Variants in ASIC2 observed in about 807,000 individuals in gnomAD.
The protein encoded by ASIC2 is acid sensing ion channel subunit 2.
ASIC2 carries 25 observed loss-of-function variants against 57.3 expected under a neutral mutation model. That is an observed-to-expected ratio of 0.44 (90% CI 0.32 to 0.61). ASIC2 has a LOEUF of 0.61. ASIC2 is among the 20% of genes least tolerant of loss of function. The pLI is 0.06. For missense variants in ASIC2, 641 were observed against 738.1 expected, an observed-to-expected ratio of 0.87 and a Z score of 1.52; for synonymous variants, 319 against 307.5, an observed-to-expected ratio of 1.04 and a Z score of -0.39.
intron 1 of ASIC2, among the ~76,000 whole-genome samples, chr17:33,830,208 G>A (rs1480017251): frequency 6.6e-6 from 1 of 152,054 alleles, no homozygotes; most frequent in Non-Finnish European, 1.5e-5. Flanking sequence ...GGTTTGTCCA[G>A]ACTTATAGAT....
At chr17:33,599,231 C>A (rs777497481) in intron 1 of ASIC2, among the ~76,000 whole-genome samples, 3 of 152,184 alleles carry the variant, frequency 2.0e-5, no homozygotes, top group Non-Finnish European at 4.4e-5. Flanking sequence ...CTAGAGGAAG[C>A]TGTGCTTGCT....
intron 1 of ASIC2, among the ~76,000 whole-genome samples, chr17:33,308,964 C>T (rs562258507): frequency 1.1e-4 from 16 of 152,270 alleles, no homozygotes; most frequent in East Asian, 3.9e-4. Flanking sequence ...CCATGTTCTA[C>T]GTATGTTGAA....
At chr17:33,585,684 A>G (rs1000463165) in intron 1 of ASIC2, among the ~76,000 whole-genome samples, 1 of 152,222 alleles carries the variant, frequency 6.6e-6, no homozygotes, top group Non-Finnish European at 1.5e-5. Flanking sequence ...AGAAGGAATC[A>G]GCTAACAGAT....
At chr17:33,219,947 A>G (rs1907632168) in intron 1 of ASIC2, among the ~76,000 whole-genome samples, 1 of 152,356 alleles carries the variant, frequency 6.6e-6, no homozygotes, top group Non-Finnish European at 1.5e-5. Flanking sequence ...GAGGACCCAC[A>G]GAACAGTGCA....
At chr17:33,017,974 A>G (rs2091815783) in intron 7 of ASIC2, among the ~76,000 whole-genome samples, 1 of 152,212 alleles carries the variant, frequency 6.6e-6, no homozygotes, top group South Asian at 2.1e-4. Flanking sequence ...TTACACTCAA[A>G]ACCACACCGA....
intron 1 of ASIC2, among the ~76,000 whole-genome samples, chr17:33,685,067 C>T (rs1006725226): frequency 2.0e-5 from 3 of 152,174 alleles, no homozygotes; most frequent in Non-Finnish European, 2.9e-5. Context: ...GAAAGTCCTG[C>T]TAACTGCATG....
At position 33,645,076 on chromosome 17, in the gene ASIC2, G is replaced by A. The variant is rs1181584077; in HGVS notation, c.555+510902C>T. Reference sequence around the variant, plus strand: ...TTCCTGGTCTCTTAGTTTGCAAAGAGCATTCACCTCATGATCTCCTAACTA... The same window carrying A: ...TTCCTGGTCTCTTAGTTTGCAAAGAACATTCACCTCATGATCTCCTAACTA... On this transcript the variant is annotated intron_variant, in intron 1 of 9. Coordinates refer to the ASIC2 transcript ENST00000359872. 2.0e-5 allele frequency among the ~76,000 whole-genome samples: 3 copies of A among 152,152 alleles called. No individual in the cohort carries two copies. In the East Asian group the frequency reaches 5.8e-4, roughly 29 times the overall value.
intron 1 of ASIC2, among the ~76,000 whole-genome samples, chr17:33,697,122 C>T (rs986496627): frequency 6.6e-6 from 1 of 152,172 alleles, no homozygotes; most frequent in Non-Finnish European, 1.5e-5. Context: ...ACCTGCACCC[C>T]CTTTGCCTTC....
At chr17:33,924,250 T>C (rs1426167441) in intron 1 of ASIC2, among the ~76,000 whole-genome samples, 1 of 152,206 alleles carries the variant, frequency 6.6e-6, no homozygotes, top group Non-Finnish European at 1.5e-5. Flanking sequence ...CCCAGCGTGC[T>C]CCTCCTGGGG....
intron 1 of ASIC2, among the ~76,000 whole-genome samples, chr17:33,646,291 T>C (rs1005817250): frequency 5.3e-5 from 8 of 152,148 alleles, no homozygotes; most frequent in African/African-American, 1.9e-4. Flanking sequence ...TATTATGGAT[T>C]GTGGGCATAA....
At chr17:33,809,962 C>T (rs934633026) in intron 1 of ASIC2, among the ~76,000 whole-genome samples, 1 of 152,164 alleles carries the variant, frequency 6.6e-6, no homozygotes, top group Non-Finnish European at 1.5e-5. Context: ...GAATTCCCAC[C>T]ATTTTGAATT....
intron 3 of ASIC2, among the ~76,000 whole-genome samples, chr17:33,035,625 A>G (rs2091905929): frequency 6.6e-6 from 1 of 152,200 alleles, no homozygotes; most frequent in African/African-American, 2.4e-5. Flanking sequence ...CTAAGGAACA[A>G]CACTTCTGGG....
intron 1 of ASIC2, among the ~76,000 whole-genome samples, chr17:33,409,964 G>A (rs1273262219): frequency 6.6e-6 from 1 of 152,130 alleles, no homozygotes; most frequent in Admixed American, 6.5e-5. Context: ...ACCAGCTCAG[G>A]GCAGCTCATT....
Position 33,903,389 on chromosome 17 carries a change from T to C in ASIC2, c.555+252589A>G, listed in dbSNP as rs530864943. On this transcript the variant is annotated intron_variant, in intron 1 of 9. Coordinates refer to the ASIC2 transcript ENST00000359872. The stretch of plus-strand genomic sequence containing the variant: ...CCAAAGTAACATTTTCCAAAATGTG[T>C]TTTATAGCTCACCAGGCCTATGAAA... 2.7e-4 allele frequency among the ~76,000 whole-genome samples: 41 copies of C among 152,332 alleles called. No homozygotes were observed. The South Asian group carries it at 7.9e-3, about 29-fold the overall frequency.
intron 1 of ASIC2, chr17:33,534,168 C>T (rs1915149681): frequency 6.6e-6 from 1 of 152,148 alleles, no homozygotes; most frequent in Non-Finnish European, 1.5e-5. Flanking sequence ...TGCTACTCAT[C>T]GTAACAACAC....
intron 1 of ASIC2, among the ~76,000 whole-genome samples, chr17:33,485,107 G>C (rs1913534587): frequency 6.6e-6 from 1 of 152,224 alleles, no homozygotes; most frequent in African/African-American, 2.4e-5. Context: ...GGGCCCACCT[G>C]CCCTGCAACA....
At chr17:33,912,046 A>AGT (rs1253378860) in intron 1 of ASIC2, among the ~76,000 whole-genome samples, 240 of 150,028 alleles carry the variant, frequency 1.6e-3, no homozygotes, top group Non-Finnish European at 2.9e-3. Context: ...AGGCTGAAGC[A>AGT]GGAGAACTGC....
At chr17:33,172,457 G>C (rs147595037) in intron 1 of ASIC2, among the ~76,000 whole-genome samples, 2 of 152,158 alleles carry the variant, frequency 1.3e-5, no homozygotes, top group South Asian at 4.1e-4. Context: ...AGTGGTGTTC[G>C]CTCTGCAAAT....
At chr17:34,021,832 G>GTTT (rs1324168238) in intron 1 of ASIC2, among the ~76,000 whole-genome samples, 9 of 121,420 alleles carry the variant, frequency 7.4e-5, no homozygotes, top group African/African-American at 3.2e-4. Context: ...TTTGTGTTTT[G>GTTT]TTTTGTTTTT....
Sources: gnomAD v4.1 joint callset for allele counts (sites outside exome capture counted in the v4.1 genomes callset) on GRCh38, gnomAD v4.1.1 for gene constraint, MANE v1.5 for transcripts, NCBI Gene and HGNC (gene_info 2026-07-23, HGNC 2026-07-21) for gene names.